The following OCA2 variants were observed in gnomAD, a reference collection of about 807,000 sequenced individuals.
OCA2 encodes P protein.
In OCA2, 77 loss-of-function variants were observed where a neutral mutation model predicts 100.2. The observed-to-expected ratio is 0.77, with a 90% CI of 0.64 to 0.93. The LOEUF (loss-of-function observed/expected upper bound fraction) is 0.93. Among genes scored for constraint, OCA2 ranks in the 40% least tolerant of loss-of-function variants. OCA2 has a pLI of 0.00. For synonymous variants in OCA2, 432 were observed against 439.2 expected (o/e 0.98, Z 0.21); for missense variants, 1,062 against 1,089.1 (o/e 0.98, Z 0.35).
intron 23 of OCA2, among the ~76,000 whole-genome samples, chr15:27,824,644 A>C (rs1214693838): frequency 1.4e-5 from 2 of 138,956 alleles, no homozygotes; most frequent in Non-Finnish European, 3.0e-5. Context: ...ATATGTAAAA[A>C]ATTAGGTTGT....
chr15:27,806,167 G>A (rs897146054), intron 23 of OCA2, among the ~76,000 whole-genome samples: 1 of 152,256 alleles, frequency 6.6e-6, no homozygotes, highest in Non-Finnish European at 1.5e-5. Flanking sequence ...CCCTCCGCGG[G>A]TGGGGAAGAC....
At chr15:27,928,649 C>A (rs75462155) in intron 18 of OCA2, among the ~76,000 whole-genome samples, 2,435 of 152,276 alleles carry the variant, frequency 0.016, 24 homozygotes, top group Non-Finnish European at 0.021. Context: ...TCCTTACTGG[C>A]TGTCACCCAA....
intron 2 of OCA2, among the ~76,000 whole-genome samples, chr15:28,047,335 C>T (rs1359363754): frequency 6.6e-6 from 1 of 152,092 alleles, no homozygotes; most frequent in Admixed American, 6.5e-5. Flanking sequence ...GATATAGTAC[C>T]ACATTATGAG....
chr15:27,931,265 C>T (rs1329768218), intron 18 of OCA2, among the ~76,000 whole-genome samples: 1 of 152,140 alleles, frequency 6.6e-6, no homozygotes, highest in Non-Finnish European at 1.5e-5. Context: ...GGATGGATAA[C>T]GTATCCTTTT....
chr15:28,048,274 G>T (rs1283909750), intron 2 of OCA2, among the ~76,000 whole-genome samples: 1 of 152,022 alleles, frequency 6.6e-6, no homozygotes, highest in Non-Finnish European at 1.5e-5. Flanking sequence ...GAACTTCAAG[G>T]GGCTCTGAAC....
intron 2 of OCA2, among the ~76,000 whole-genome samples, chr15:28,064,361 C>G (rs1233241082): frequency 1.3e-5 from 2 of 150,710 alleles, no homozygotes; most frequent in Admixed American, 1.3e-4. Context: ...GGTCCTTTCT[C>G]TCTCTCTCTC....
At position 27,895,916 on chromosome 15, in the gene OCA2, G is replaced by A. The variant is rs1411207645; in HGVS notation, c.2080-23994C>T. On this transcript the variant is annotated intron_variant, in intron 19 of 23. Transcript: ENST00000354638. ...GGTTGCTTATGCCCGTACAGAAGGGGATATGATAGTACGCACAGCATATGC... is the reference window on the plus strand; with the variant it reads ...GGTTGCTTATGCCCGTACAGAAGGGAATATGATAGTACGCACAGCATATGC... The A allele has an allele frequency of 1.2e-4, 75 of 631,394 alleles. No individual in the cohort carries two copies. The East Asian group carries it at 2.1e-3, about 17-fold the overall frequency. 39.1% of individuals were successfully genotyped at this position (631,394 alleles called of 1,614,324 possible).
At chr15:27,722,110 T>A in the OCA2 span, among the ~76,000 whole-genome samples, 1 of 152,234 alleles carries the variant, frequency 6.6e-6, no homozygotes, top group African/African-American at 2.4e-5. Context: ...TTTAATTCCA[T>A]GAATCAAGTA....
At chr15:27,932,529 G>A (rs1732141546) in intron 18 of OCA2, among the ~76,000 whole-genome samples, 1 of 152,332 alleles carries the variant, frequency 6.6e-6, no homozygotes, top group African/African-American at 2.4e-5. Context: ...CCACCTGCAT[G>A]CCTAGGGAAA....
At chr15:27,926,406 T>C in intron 18 of OCA2, 152 bp from the exon 19 acceptor site, 1 of 848,652 alleles carries the variant, frequency 1.2e-6, no homozygotes. Context: ...TATTTGGTTA[T>C]GTGTATACTC....
At chr15:28,020,100 G>A (rs2042546018) in intron 6 of OCA2, among the ~76,000 whole-genome samples, 1 of 152,134 alleles carries the variant, frequency 6.6e-6, no homozygotes, top group South Asian at 2.1e-4. Context: ...CACACAGGGA[G>A]CAGGCGAGAC....
At position 28,076,812 on chromosome 15, in the gene OCA2, A is replaced by C. The variant is rs539366990; in HGVS notation, c.227+4836T>G. ...CAGTGAGCCGAGATTGCGCCACTGC[A>C]GTCCGCAGTCCGGCCTGGGCGACAG... On this transcript the variant is annotated intron_variant, in intron 2 of 23. Transcript: ENST00000354638. Among the ~76,000 whole-genome samples the C allele has an allele frequency of 5.6e-5, 8 of 143,380 alleles. No homozygotes were observed. In the South Asian group the frequency reaches 1.3e-3, roughly 24 times the overall value. The allele number at this position is 143,380 out of a possible 152,430, so 94.1% of individuals were successfully genotyped here.
At chr15:27,894,875 A>G (rs1465305952) in intron 19 of OCA2, among the ~76,000 whole-genome samples, 1 of 152,168 alleles carries the variant, frequency 6.6e-6, no homozygotes, top group African/African-American at 2.4e-5. Flanking sequence ...CCCTACCACA[A>G]AAGGATTGTG....
chr15:27,784,041 T>C (rs2032680756), intron 23 of OCA2, among the ~76,000 whole-genome samples: 1 of 152,144 alleles, frequency 6.6e-6, no homozygotes, highest in Admixed American at 6.5e-5. Context: ...AACACCAGCC[T>C]AAGGCTGAAA....
downstream of OCA2, among the ~76,000 whole-genome samples, chr15:27,751,526 C>T (rs2030064255): frequency 6.6e-6 from 1 of 152,168 alleles, no homozygotes; most frequent in African/African-American, 2.4e-5. Flanking sequence ...ATTTCGAAGG[C>T]AGCATATAAC....
chr15:27,842,839 C>T (rs577489118), intron 23 of OCA2, among the ~76,000 whole-genome samples: 4 of 152,296 alleles, frequency 2.6e-5, no homozygotes, highest in East Asian at 1.9e-4. Context: ...CACACACACA[C>T]GCATAGGTGT....
At chr15:28,081,579 G>T in intron 2 of OCA2, 69 bp downstream of exon 2, 2 of 1,456,004 alleles carry the variant, frequency 1.4e-6, no homozygotes, top group Non-Finnish European at 1.9e-6. Context: ...AAACGTGGGG[G>T]AACGATGCTC....
rs368048937 is a variant in OCA2 at position 27,786,942 on chromosome 15, C to A, written c.2433-31470G>T. Among the ~76,000 whole-genome samples, 11 of 152,210 alleles carry A rather than the reference C, an allele frequency of 7.2e-5. No individual in the cohort carries two copies. The South Asian group carries it at 1.5e-3, about 20-fold the overall frequency. ...TCTTTTGTAGACAGCCTTTACCAGG[C>A]TGGGGATGTTCCCTTCTATTTCTAC... On this transcript the variant is annotated intron_variant, in intron 23 of 23. Coordinates refer to ENST00000354638, the MANE Select transcript of OCA2 (RefSeq NM_000275.3).
chr15:27,846,449 T>C (rs950457079), intron 22 of OCA2, among the ~76,000 whole-genome samples: 3 of 152,082 alleles, frequency 2.0e-5, no homozygotes, highest in Admixed American at 2.0e-4. Context: ...ACATCATGAG[T>C]GGAGCCCAAC....
Sources: gnomAD v4.1 joint callset for allele counts (sites outside exome capture counted in the v4.1 genomes callset) on GRCh38, gnomAD v4.1.1 for gene constraint, MANE v1.5 for transcripts, NCBI Gene and HGNC (gene_info 2026-07-23, HGNC 2026-07-21) for gene names.